Variants in MATN2 observed in about 807,000 individuals in gnomAD.
MATN2 encodes the protein matrilin 2, also known as matrilin-2.
Under a neutral mutation model 103.2 loss-of-function variants are expected in MATN2, and 69 were observed. The ratio of observed to expected loss-of-function variants is 0.67; its 90% CI spans 0.55 to 0.82. MATN2 has a LOEUF of 0.82. Ranked by LOEUF, MATN2 falls within the 40% of genes least tolerant of loss-of-function variation. The pLI, the probability that MATN2 is intolerant of heterozygous loss-of-function variation, is 0.00. For missense variants in MATN2, 1,023 were observed against 1,211.5 expected, an observed-to-expected ratio of 0.84 and a Z score of 2.31; for synonymous variants, 429 against 450.2, an observed-to-expected ratio of 0.95 and a Z score of 0.60.
At position 98,036,496 on chromosome 8, in the gene MATN2, C is replaced by A. The variant is rs1176622135; in HGVS notation, c.*784C>A. ...CATCTCATAAAACTGAAAATGCACA[C>A]AACCCTGTAAATCTAGCAACTGCAC... On this transcript the variant is annotated 3_prime_UTR_variant, in exon 19 of 19. Transcript: ENST00000254898. 3 of 152,200 alleles carry A rather than the reference C, an allele frequency of 2.0e-5. No individual in the cohort carries two copies. The highest frequency in any genetic ancestry group is 4.4e-5 in the Non-Finnish European group (3 of 68,044). 9.4% of individuals were successfully genotyped at this position (152,200 alleles called of 1,614,324 possible). A position where few individuals can be genotyped will look rare whatever the true frequency, so the allele number is the denominator to read the frequency against.
rs574403364 is a variant in MATN2, at chr8:97,953,027, A to G, written c.836-8381A>G. Among the ~76,000 whole-genome samples, 7 of 146,732 alleles carry G rather than the reference A, an allele frequency of 4.8e-5. No homozygotes were observed. The South Asian group carries it at 1.5e-3, about 31-fold the overall frequency. On this transcript the variant is annotated intron_variant, in intron 4 of 18. Transcript: ENST00000254898. ...GACCTGGAACTCCCTGGCTGAAATG[A>G]TCTTCCTACCTCAGCCTCCCTAGTA...
intron 4 of MATN2, among the ~76,000 whole-genome samples, chr8:97,945,304 G>T (rs1387206697): frequency 1.3e-5 from 2 of 152,068 alleles, no homozygotes; most frequent in Admixed American, 1.3e-4. Flanking sequence ...CTTAAAGTGG[G>T]TTTTATCACT....
At chr8:98,027,879 TA>T in intron 14 of MATN2, 50 bp downstream of exon 14, 6 of 1,503,166 alleles carry the variant, frequency 4.0e-6, no homozygotes, top group Non-Finnish European at 5.3e-6. Flanking sequence ...TCAGGTTTCT[TA>T]AACTCACTCA....
In MATN2 at chr8:98,005,633, C is replaced by T. The variant is rs1812942749; in HGVS notation, c.1328-1472C>T. Among the ~76,000 whole-genome samples the T allele has an allele frequency of 6.6e-6, 1 of 152,160 alleles. No homozygotes were observed. The highest frequency in any genetic ancestry group is 2.4e-5 in the African/African-American group (1 of 41,430). On this transcript the variant is annotated intron_variant, in intron 8 of 18. Transcript: ENST00000254898. The surrounding 1 kb of genome is among the most constrained non-coding windows in gnomAD (Gnocchi z 4.6). ...TCTGTCTCGCAGTCCTTAGAGAAAG[C>T]CACAGGCTTCTGCTTTCTCAGAGGA...
chr8:98,022,444 AATAAG>A (rs1429400894), intron 13 of MATN2, among the ~76,000 whole-genome samples: 1 of 152,278 alleles, frequency 6.6e-6, no homozygotes, highest in South Asian at 2.1e-4. Flanking sequence ...TTTAGAAAAA[AATAAG>A]ATAAACACGA....
chr8:97,997,716 G>A (rs1394065365), intron 7 of MATN2, among the ~76,000 whole-genome samples: 5 of 151,830 alleles, frequency 3.3e-5, no homozygotes, highest in Non-Finnish European at 5.9e-5. Context: ...GTGAGTGAGT[G>A]AATATCTGAG....
chr8:97,945,195 T>A (rs1288256632), intron 4 of MATN2, among the ~76,000 whole-genome samples: 1 of 152,100 alleles, frequency 6.6e-6, no homozygotes, highest in Admixed American at 6.5e-5. Flanking sequence ...ACACATGAGG[T>A]CAAGCCTAAC....
At chr8:98,032,901 AAC>A (rs1814094450) in intron 16 of MATN2, 139 bp from the exon 17 acceptor site, 7 of 621,014 alleles carry the variant, frequency 1.1e-5, no homozygotes, top group African/African-American at 3.9e-5. Context: ...CACTGAAGAT[AAC>A]AGTCTTTTTG....
intron 1 of MATN2, among the ~76,000 whole-genome samples, chr8:97,875,932 T>C (rs1178246455): frequency 6.6e-6 from 1 of 152,044 alleles, no homozygotes; most frequent in Non-Finnish European, 1.5e-5. Context: ...CCTGACCTCA[T>C]GATCCACCCG....
intron 2 of MATN2, among the ~76,000 whole-genome samples, chr8:97,894,406 T>C (rs927568052): frequency 5.6e-5 from 8 of 142,984 alleles, no homozygotes; most frequent in African/African-American, 1.6e-4. Context: ...CATAGCTCAC[T>C]GCAGCCTGAG....
At chr8:97,957,757 G>A (rs1170380030) in intron 4 of MATN2, among the ~76,000 whole-genome samples, 1 of 152,220 alleles carries the variant, frequency 6.6e-6, no homozygotes, top group Non-Finnish European at 1.5e-5. Flanking sequence ...CCCCAGGGAG[G>A]ATTGTGGGGA....
chr8:97,907,837 T>A (rs1013440127), intron 2 of MATN2, among the ~76,000 whole-genome samples: 4 of 152,186 alleles, frequency 2.6e-5, no homozygotes, highest in Non-Finnish European at 5.9e-5. Context: ...AGCGCTGTTA[T>A]TGTTGATTTT....
In MATN2 at chr8:98,007,750, T is replaced by C; in HGVS notation, c.1573+149T>C. The stretch of plus-strand genomic sequence containing the variant: ...GTGTGTGACAGCATCTCTTAGCCAT[T>C]AAGCCTTGGTGGCTGCTTCACCAAC... On this transcript the variant is annotated intron_variant, in intron 10 of 18. Coordinates refer to ENST00000254898, the MANE Select transcript of MATN2 (RefSeq NM_002380.5). This position sits in a 1 kb window ranked among gnomAD's most constrained non-coding sequence, Gnocchi z 4.2. 1 of 983,610 alleles carries C rather than the reference T, an allele frequency of 1.0e-6. No individual in the cohort carries two copies. The highest frequency in any genetic ancestry group is 1.5e-6 in the Non-Finnish European group (1 of 685,832). The allele number at this position is 983,610 out of a possible 1,614,324, so 60.9% of individuals were successfully genotyped here. A position where few individuals can be genotyped will look rare whatever the true frequency, so the allele number is the denominator to read the frequency against.
At chr8:97,986,732 G>T (rs182389933) in intron 6 of MATN2, among the ~76,000 whole-genome samples, 1 of 152,300 alleles carries the variant, frequency 6.6e-6, no homozygotes, top group East Asian at 1.9e-4. Flanking sequence ...AAATTGTATT[G>T]CTATAAACAT....
intron 6 of MATN2, among the ~76,000 whole-genome samples, chr8:97,987,149 G>A (rs1812223757): frequency 6.6e-6 from 1 of 152,034 alleles, no homozygotes; most frequent in Admixed American, 6.6e-5. Context: ...CCTACTTTTA[G>A]TTCTTTAAGG....
chr8:97,909,923 A>G (rs1403799237), intron 2 of MATN2, among the ~76,000 whole-genome samples: 1 of 151,836 alleles, frequency 6.6e-6, no homozygotes, highest in Non-Finnish European at 1.5e-5. Flanking sequence ...AGCTGGGACT[A>G]CAGGTGCCTG....
intron 3 of MATN2, among the ~76,000 whole-genome samples, chr8:97,941,255 C>T (rs947270853): frequency 4.7e-5 from 7 of 148,678 alleles, no homozygotes; most frequent in East Asian, 2.0e-4. Flanking sequence ...AAACATGAAA[C>T]GTGTGAGTGC....
intron 2 of MATN2, among the ~76,000 whole-genome samples, chr8:97,913,864 C>T (rs1449221168): frequency 6.6e-6 from 1 of 152,250 alleles, no homozygotes; most frequent in Non-Finnish European, 1.5e-5. Context: ...ATCCGCCCGC[C>T]TTGGCCTTCT....
chr8:97,946,112 C>T (rs1016993187), intron 4 of MATN2, among the ~76,000 whole-genome samples: 13 of 152,162 alleles, frequency 8.5e-5, no homozygotes, highest in African/African-American at 2.4e-4. Flanking sequence ...CACACTGACC[C>T]CATTCCTATC....
Sources: gnomAD v4.1 joint callset for allele counts (sites outside exome capture counted in the v4.1 genomes callset) on GRCh38, gnomAD v4.1.1 for gene constraint, Gnocchi (gnomAD v3.1) non-coding constraint, MANE v1.5 for transcripts, NCBI Gene and HGNC (gene_info 2026-07-23, HGNC 2026-07-21) for gene names.